Variants in PPFIBP1 observed in about 807,000 individuals in gnomAD.
PPFIBP1 encodes liprin-beta-1.
PPFIBP1 carries 112 observed loss-of-function variants against 137.8 expected under a neutral mutation model. The ratio of observed to expected loss-of-function variants is 0.81; its 90% CI spans 0.70 to 0.95. The LOEUF is 0.95. Ranked by LOEUF, PPFIBP1 falls within the 40% of genes least tolerant of loss-of-function variation. The probability of loss-of-function intolerance (pLI) is 0.00; values close to 1 mark genes in which losing one functional copy is unlikely to be tolerated. For missense variants in PPFIBP1, 1,083 were observed against 1,196.6 expected, an observed-to-expected ratio of 0.91 and a Z score of 1.40; for synonymous variants, 378 against 417.3, an observed-to-expected ratio of 0.91 and a Z score of 1.15.
At chr12:27,590,182 T>C (rs1400464425) in intron 2 of PPFIBP1, among the ~76,000 whole-genome samples, 3 of 139,694 alleles carry the variant, frequency 2.1e-5, no homozygotes, top group African/African-American at 8.0e-5. Context: ...TTTTGTTTTT[T>C]TTGTTTTTTT....
chr12:27,637,571 C>T (rs2346755), intron 4 of PPFIBP1, among the ~76,000 whole-genome samples: 89,205 of 151,842 alleles, frequency 0.59, 26,736 homozygotes, highest in Admixed American at 0.65. Context: ...TCTAACTTAT[C>T]TATATGAATT....
intron 1 of PPFIBP1, among the ~76,000 whole-genome samples, chr12:27,525,469 G>T (rs1215885079): frequency 6.9e-6 from 1 of 145,632 alleles, no homozygotes; most frequent in African/African-American, 2.6e-5. Flanking sequence ...ACCGATTCAG[G>T]ACCCTCTCAT....
intron 4 of PPFIBP1, among the ~76,000 whole-genome samples, chr12:27,644,523 T>C (rs1414276106): frequency 2.0e-5 from 3 of 152,158 alleles, no homozygotes; most frequent in African/African-American, 7.2e-5. Flanking sequence ...TTTAAAGCTC[T>C]ACAGGGCCTG....
Position 27,647,793 on chromosome 12 carries a change from T to C in PPFIBP1, c.422T>C (p.Leu141Pro). ...GEKIRDLEFC[L>P]EEHREKVNAT... is the part of the protein sequence containing the mutation. ...AAGATTCGAGATTTGGAGTTTTGTCTTGAAGAGCACAGAGAGAAGGTGAAT... is the reference window on the plus strand; with the variant it reads ...AAGATTCGAGATTTGGAGTTTTGTCCTGAAGAGCACAGAGAGAAGGTGAAT... The change falls in exon 6 of 30, where the codon CTT becomes CCT. Residue 141 changes from leucine to proline, a missense_variant. Transcript: ENST00000228425. The C allele has an allele frequency of 6.2e-7, 1 of 1,611,972 alleles. No homozygotes were observed. The highest frequency in any genetic ancestry group is 8.5e-7 in the Non-Finnish European group (1 of 1,179,180).
At chr12:27,569,130 G>A (rs1310707862) in intron 1 of PPFIBP1, among the ~76,000 whole-genome samples, 1 of 152,116 alleles carries the variant, frequency 6.6e-6, no homozygotes, top group South Asian at 2.1e-4. Context: ...TCATCCTCTG[G>A]TGTGGTCTCC....
intron 4 of PPFIBP1, among the ~76,000 whole-genome samples, chr12:27,639,218 TA>T (rs978034029): frequency 6.6e-6 from 1 of 152,112 alleles, no homozygotes; most frequent in African/African-American, 2.4e-5. Context: ...CTCCTGTGGT[TA>T]AAAAAAACTG....
At chr12:27,559,535 G>C (rs2048989366) in intron 1 of PPFIBP1, among the ~76,000 whole-genome samples, 1 of 152,180 alleles carries the variant, frequency 6.6e-6, no homozygotes, top group South Asian at 2.1e-4. Context: ...ACTGATATCA[G>C]CTGTATTCGC....
At chr12:27,681,788 G>A in intron 22 of PPFIBP1, 92 bp downstream of exon 22, 1 of 1,403,220 alleles carries the variant, frequency 7.1e-7, no homozygotes, top group South Asian at 1.4e-5. Flanking sequence ...AGGGCCATGA[G>A]TGAAGCCAGT....
At chr12:27,615,263 G>A (rs2055618109) in intron 2 of PPFIBP1, among the ~76,000 whole-genome samples, 1 of 152,166 alleles carries the variant, frequency 6.6e-6, no homozygotes, top group African/African-American at 2.4e-5. Context: ...GTTTTCAGTA[G>A]GATGTTAAGA....
intron 1 of PPFIBP1, among the ~76,000 whole-genome samples, chr12:27,555,851 A>G (rs1051175897): frequency 1.3e-5 from 2 of 152,246 alleles, no homozygotes; most frequent in Non-Finnish European, 2.9e-5. Flanking sequence ...ACCATTTTAC[A>G]TAAAATTATA....
chr12:27,687,458 G>C lies in PPFIBP1; in HGVS notation c.2321G>C (p.Arg774Thr). 1 of 1,614,026 alleles carries C rather than the reference G, an allele frequency of 6.2e-7. No individual in the cohort carries two copies. The highest frequency in any genetic ancestry group is 8.5e-7 in the Non-Finnish European group (1 of 1,179,910). ...LSIKRAIQVL[R>T]INNFEPNCLR... ...ATCAAAAGGGCCATCCAGGTCCTGA[G>C]GATCAATAACTTTGAACCAAACTGT... is the stretch of plus-strand genomic sequence containing the variant. Residue 774 changes from arginine (R) to threonine (T), a missense_variant, in exon 25 of 30, where the codon AGG becomes ACG. By Grantham distance (71) the Arg-to-Thr change is moderately conservative. Transcript: ENST00000228425.
At chr12:27,543,890 T>TA (rs1347121260) in intron 1 of PPFIBP1, among the ~76,000 whole-genome samples, 27 of 146,592 alleles carry the variant, frequency 1.8e-4, no homozygotes, top group African/African-American at 6.8e-4. Context: ...CTTTTTTTTT[T>TA]TTTTTTTTAA....
chr12:27,608,264 CACACTGT>C (rs1467165416), intron 2 of PPFIBP1, among the ~76,000 whole-genome samples: 1 of 152,168 alleles, frequency 6.6e-6, no homozygotes, highest in Non-Finnish European at 1.5e-5. Flanking sequence ...CTACAGACAG[CACACTGT>C]TCTGACAGGG....
intron 2 of PPFIBP1, among the ~76,000 whole-genome samples, chr12:27,582,011 G>C (rs1462547304): frequency 6.6e-6 from 1 of 151,682 alleles, no homozygotes; most frequent in Non-Finnish European, 1.5e-5. Flanking sequence ...TGGAGTTTGT[G>C]GGCTGTTAGA....
intron 1 of PPFIBP1, among the ~76,000 whole-genome samples, chr12:27,536,762 T>C (rs1945070168): frequency 6.6e-6 from 1 of 152,182 alleles, no homozygotes; most frequent in Non-Finnish European, 1.5e-5. Context: ...TTCAAAATTA[T>C]TATCATTCTC....
At chr12:27,579,511 G>T (rs1410615377) in intron 2 of PPFIBP1, among the ~76,000 whole-genome samples, 1 of 152,134 alleles carries the variant, frequency 6.6e-6, no homozygotes, top group Non-Finnish European at 1.5e-5. Context: ...TTTATGAATA[G>T]AATCATACAG....
rs148920867 is a variant in PPFIBP1, at chr12:27,601,499, G to A, written c.-36+23260G>A. 7.3e-3 allele frequency among the ~76,000 whole-genome samples: 1,117 copies of A among 152,258 alleles called. 16 individuals carry two copies. The highest frequency in any genetic ancestry group is 0.012 in the Non-Finnish European group (804 of 68,020). The stretch of plus-strand genomic sequence containing the variant: ...ACACAAGGTTAAACTGCATCATACC[G>A]CTGCCAAAGGCTACACACTCTGCTT... On this transcript the variant is annotated intron_variant, in intron 2 of 29. Coordinates refer to ENST00000228425, the MANE Select transcript of PPFIBP1 (RefSeq NM_003622.4).
chr12:27,644,935 C>T (rs1345349669), intron 4 of PPFIBP1, among the ~76,000 whole-genome samples: 5 of 151,528 alleles, frequency 3.3e-5, no homozygotes, highest in Non-Finnish European at 7.4e-5. Flanking sequence ...TTCCCCCTTC[C>T]CAGCACATGA....
chr12:27,531,645 G>T (rs905269401), intron 1 of PPFIBP1, among the ~76,000 whole-genome samples: 5 of 152,042 alleles, frequency 3.3e-5, no homozygotes, highest in Non-Finnish European at 7.4e-5. Context: ...TCAGCACATG[G>T]AAGATCTTCA....
Sources: gnomAD v4.1 joint callset for allele counts (sites outside exome capture counted in the v4.1 genomes callset) on GRCh38, gnomAD v4.1.1 for gene constraint, MANE v1.5 for transcripts, NCBI Gene and HGNC (gene_info 2026-07-23, HGNC 2026-07-21) for gene names.